TESC: variants seen among roughly 807,000 people sequenced by gnomAD.
The protein encoded by TESC is tescalcin.
Under a neutral mutation model 31.0 loss-of-function variants are expected in TESC, and 19 were observed. The observed-to-expected ratio is 0.61, with a 90% CI of 0.43 to 0.90. The LOEUF is 0.90. Ranked by LOEUF, TESC falls within the 40% of genes least tolerant of loss-of-function variation. TESC has a pLI of 0.00. For synonymous variants in TESC, 109 were observed against 114.8 expected, an observed-to-expected ratio of 0.95 and a Z score of 0.32; for missense variants, 248 against 303.8, an observed-to-expected ratio of 0.82 and a Z score of 1.36.
At chr12:117,091,956 C>A (rs528548341) in intron 1 of TESC, among the ~76,000 whole-genome samples, 1 of 152,282 alleles carries the variant, frequency 6.6e-6, no homozygotes, top group Non-Finnish European at 1.5e-5. Flanking sequence ...GCGGGAGAGG[C>A]GGTTTCTCCC....
intron 2 of TESC, among the ~76,000 whole-genome samples, chr12:117,058,929 C>G (rs3782192): frequency 0.41 from 61,569 of 151,944 alleles, 14,167 homozygotes; most frequent in African/African-American, 0.64. Flanking sequence ...AGAAGGCCAT[C>G]CTGGGTTCTC....
At chr12:117,090,538 C>T (rs1477927068) in intron 1 of TESC, among the ~76,000 whole-genome samples, 3 of 152,180 alleles carry the variant, frequency 2.0e-5, no homozygotes, top group East Asian at 1.9e-4. Flanking sequence ...ATCCTCGCAA[C>T]ATTCAGTGAA....
At position 117,099,408 on chromosome 12, in the gene TESC, G is replaced by A; in HGVS notation, c.-126C>T. The A allele has an allele frequency of 2.1e-6, 2 of 950,824 alleles. No individual in the cohort carries two copies. Among genetic ancestry groups the A allele is most frequent in the East Asian group, 3.6e-5 (1 of 27,734 alleles). 58.9% of individuals were successfully genotyped at this position (950,824 alleles called of 1,614,324 possible). A position where few individuals can be genotyped will look rare whatever the true frequency, so the allele number is the denominator to read the frequency against. ...GGGACGCCGGCGAAGGCTCGGAGCC[G>A]CGGGTTCCGCGTGGGGCCGGAGCGG... On this transcript the variant is annotated 5_prime_UTR_variant, in exon 1 of 8. Coordinates refer to ENST00000335209, the MANE Select transcript of TESC (RefSeq NM_017899.4).
intron 1 of TESC, 88 bp downstream of exon 1, chr12:117,099,137 A>G: frequency 7.3e-7 from 1 of 1,376,992 alleles, no homozygotes; most frequent in Non-Finnish European, 9.5e-7. Context: ...GCCCAAGGTC[A>G]CACAGCGCGG....
intron 1 of TESC, among the ~76,000 whole-genome samples, chr12:117,089,439 T>A (rs974723807): frequency 6.6e-6 from 1 of 151,786 alleles, no homozygotes; most frequent in African/African-American, 2.4e-5. Flanking sequence ...TGAACCACCA[T>A]AAGGGAGAAC....
chr12:117,043,691 C>T (rs1954517571), intron 6 of TESC, among the ~76,000 whole-genome samples: 1 of 152,090 alleles, frequency 6.6e-6, no homozygotes, highest in Non-Finnish European at 1.5e-5. Flanking sequence ...GTCTCGAACT[C>T]CTGACCTCAA....
chr12:117,044,161 G>T (rs542552792), intron 6 of TESC, among the ~76,000 whole-genome samples: 166 of 152,260 alleles, frequency 1.1e-3, no homozygotes, highest in African/African-American at 3.8e-3. Context: ...CTGCTCCAGA[G>T]GCTGAGGTAG....
intron 6 of TESC, among the ~76,000 whole-genome samples, chr12:117,042,492 A>G (rs1954499085): frequency 6.6e-6 from 1 of 152,128 alleles, no homozygotes; most frequent in Non-Finnish European, 1.5e-5. Flanking sequence ...CTCAGGGGAG[A>G]GGTCAGGGAA....
chr12:117,099,391 G>T lies in TESC; in HGVS notation c.-109C>A. On this transcript the variant is annotated 5_prime_UTR_variant, in exon 1 of 8. Coordinates refer to ENST00000335209, the MANE Select transcript of TESC (RefSeq NM_017899.4). Reference sequence around the variant, plus strand: ...GGGTCCGGCCTCGGGTCGGGACGCCGGCGAAGGCTCGGAGCCGCGGGTTCC... The same window carrying T: ...GGGTCCGGCCTCGGGTCGGGACGCCTGCGAAGGCTCGGAGCCGCGGGTTCC... 3.5e-6 allele frequency: 4 copies of T among 1,139,852 alleles called. No homozygotes were observed. The highest frequency in any genetic ancestry group is 4.5e-6 in the Non-Finnish European group (4 of 889,558). The allele number at this position is 1,139,852 out of a possible 1,614,324, so 70.6% of individuals were successfully genotyped here.
chr12:117,039,303 C>T, intron 7 of TESC, 93 bp from the exon 8 acceptor site: 4 of 1,187,498 alleles, frequency 3.4e-6, no homozygotes, highest in African/African-American at 1.5e-5. Flanking sequence ...CACCTACCGT[C>T]TCCTGCCACC....
At position 117,038,931 on chromosome 12, in the gene TESC, C is replaced by CA; in HGVS notation, c.*201dup. 1 of 562,372 alleles carries CA rather than the reference C, an allele frequency of 1.8e-6. No homozygotes were observed. 34.8% of individuals were successfully genotyped at this position (562,372 alleles called of 1,614,324 possible). On this transcript the variant is annotated 3_prime_UTR_variant, in exon 8 of 8. Coordinates refer to ENST00000335209, the MANE Select transcript of TESC (RefSeq NM_017899.4). Reference sequence around the variant, plus strand: ...AACTGACAGAGGCCACATTAATTAACAAACCTTTTTTTTTTTTTTATTGGA... The same window carrying CA: ...AACTGACAGAGGCCACATTAATTAACAAAACCTTTTTTTTTTTTTTATTGGA...
At chr12:117,050,469 G>A (rs1954633152) in intron 3 of TESC, among the ~76,000 whole-genome samples, 1 of 152,216 alleles carries the variant, frequency 6.6e-6, no homozygotes, top group Admixed American at 6.5e-5. Context: ...TGGTAAGTTA[G>A]GGCAGGTTTG....
chr12:117,040,178 A>T (rs1366698817), intron 7 of TESC, among the ~76,000 whole-genome samples: 1 of 152,204 alleles, frequency 6.6e-6, no homozygotes, highest in Non-Finnish European at 1.5e-5. Context: ...GCCCCCAGGT[A>T]CTTCCTGCTT....
intron 1 of TESC, among the ~76,000 whole-genome samples, chr12:117,077,569 C>T (rs1375037580): frequency 6.6e-6 from 1 of 152,190 alleles, no homozygotes; most frequent in Non-Finnish European, 1.5e-5. Flanking sequence ...TATAGTCAAG[C>T]AATGGAATAG....
rs1954559456 is a variant in TESC at position 117,046,391 on chromosome 12, A to G, written c.519+168T>C. The G allele has an allele frequency of 6.1e-6, 4 of 658,088 alleles. No individual in the cohort carries two copies. In the East Asian group the frequency reaches 8.3e-5, roughly 14 times the overall value. The allele number at this position is 658,088 out of a possible 1,614,324, so 40.8% of individuals were successfully genotyped here. On this transcript the variant is annotated intron_variant, in intron 6 of 7. Coordinates refer to ENST00000335209, the MANE Select transcript of TESC (RefSeq NM_017899.4). ...CAGCTCTCTGGGGACTTGGACCTTC[A>G]GTCTCCTGGGGGACAGGAAGGGCTG...
chr12:117,063,365 C>A (rs561768894), intron 2 of TESC, among the ~76,000 whole-genome samples: 3 of 152,298 alleles, frequency 2.0e-5, no homozygotes, highest in Non-Finnish European at 4.4e-5. Flanking sequence ...GCCCAAGAGG[C>A]CCCATCTGGG....
At position 117,038,983 on chromosome 12, in the gene TESC, C is replaced by T. The variant is rs1475410055; in HGVS notation, c.*150G>A. ...ATAAAAACAGCGAAGTCCCACATAC[C>T]ATACCCTACAAGACACAAGGTGCGC... On this transcript the variant is annotated 3_prime_UTR_variant, in exon 8 of 8. Transcript: ENST00000335209. 6 of 728,560 alleles carry T rather than the reference C, an allele frequency of 8.2e-6. No homozygotes were observed. The Admixed American group carries it at 1.3e-4, about 16-fold the overall frequency. The allele number at this position is 728,560 out of a possible 1,614,324, so 45.1% of individuals were successfully genotyped here.
chr12:117,093,796 T>C (rs1301984630), intron 1 of TESC, among the ~76,000 whole-genome samples: 8 of 151,986 alleles, frequency 5.3e-5, no homozygotes, highest in Non-Finnish European at 1.0e-4. Context: ...TTTTTTTTTT[T>C]TCCTTTTCCT....
At chr12:117,084,744 T>A (rs1955192997) in intron 1 of TESC, among the ~76,000 whole-genome samples, 1 of 152,166 alleles carries the variant, frequency 6.6e-6, no homozygotes, top group Non-Finnish European at 1.5e-5. Flanking sequence ...GGAAAGAGAA[T>A]GTCAGCATGC....
Sources: gnomAD v4.1 joint callset for allele counts (sites outside exome capture counted in the v4.1 genomes callset) on GRCh38, gnomAD v4.1.1 for gene constraint, MANE v1.5 for transcripts, NCBI Gene and HGNC (gene_info 2026-07-23, HGNC 2026-07-21) for gene names.